The following MAN1A2 variants were observed in gnomAD, a reference collection of about 807,000 sequenced individuals.
MAN1A2 encodes mannosidase alpha class 1A member 2.
In MAN1A2, 26 loss-of-function variants were observed where a neutral mutation model predicts 75.7. That is an observed-to-expected ratio of 0.34 (90% confidence interval 0.25 to 0.48). The LOEUF is 0.48. Among genes scored for constraint, MAN1A2 ranks in the 20% least tolerant of loss-of-function variants. MAN1A2 has a pLI of 0.99. For missense variants in MAN1A2, 562 were observed against 775.5 expected, an observed-to-expected ratio of 0.72 and a Z score of 3.27; for synonymous variants, 247 against 264.6, an observed-to-expected ratio of 0.93 and a Z score of 0.65.
intron 8 of MAN1A2, among the ~76,000 whole-genome samples, chr1:117,475,077 G>C (rs1650274720): frequency 6.6e-6 from 1 of 151,912 alleles, no homozygotes; most frequent in African/African-American, 2.4e-5. Flanking sequence ...TTCTCCTGTT[G>C]ATGGACATTT....
In MAN1A2 at chr1:117,391,823, G is replaced by C. The variant is rs991035824; in HGVS notation, c.303-10363G>C. Among the ~76,000 whole-genome samples the C allele has an allele frequency of 3.3e-5, 5 of 151,990 alleles. No individual in the cohort carries two copies. In the South Asian group the frequency reaches 6.3e-4, roughly 19 times the overall value. On this transcript the variant is annotated intron_variant, in intron 1 of 12. Coordinates refer to ENST00000356554, the MANE Select transcript of MAN1A2 (RefSeq NM_006699.5). ...ATCCCAAATCACCCTTTCTTTCTTTGTTCTTGGTTCAGTTAATGGCACCCG... is the reference window on the plus strand; with the variant it reads ...ATCCCAAATCACCCTTTCTTTCTTTCTTCTTGGTTCAGTTAATGGCACCCG...
At chr1:117,397,010 C>A (rs996845387) in intron 1 of MAN1A2, among the ~76,000 whole-genome samples, 1 of 151,436 alleles carries the variant, frequency 6.6e-6, no homozygotes, top group Non-Finnish European at 1.5e-5. Context: ...ATCTTTGTCT[C>A]CTGACTTTTG....
intron 8 of MAN1A2, 36 bp downstream of exon 8, chr1:117,466,463 A>T: frequency 7.3e-7 from 1 of 1,366,628 alleles, no homozygotes; most frequent in South Asian, 1.3e-5. Flanking sequence ...TTTCTTAAAA[A>T]ATTATTTGTC....
intron 1 of MAN1A2, among the ~76,000 whole-genome samples, chr1:117,387,534 T>C (rs371705043): frequency 3.2e-4 from 48 of 152,236 alleles, no homozygotes; most frequent in Non-Finnish European, 6.6e-4. Flanking sequence ...TCCGTATCAG[T>C]AGGTTCACTA....
intron 9 of MAN1A2, among the ~76,000 whole-genome samples, chr1:117,495,645 TGTAATATG>T (rs973810954): frequency 6.6e-6 from 1 of 151,828 alleles, no homozygotes; most frequent in African/African-American, 2.4e-5. Flanking sequence ...ATCTTTTAAT[TGTAATATG>T]GTAAGATTTA....
chr1:117,497,532 C>T (rs1445174503), intron 10 of MAN1A2, among the ~76,000 whole-genome samples: 1 of 151,822 alleles, frequency 6.6e-6, no homozygotes, highest in Non-Finnish European at 1.5e-5. Context: ...CTTCAGTGTC[C>T]TTACTTGGAA....
intron 6 of MAN1A2, among the ~76,000 whole-genome samples, chr1:117,445,353 T>G (rs1649177421): frequency 6.6e-6 from 1 of 152,182 alleles, no homozygotes; most frequent in Non-Finnish European, 1.5e-5. Flanking sequence ...CTGGTCTTAT[T>G]AAATGAGATA....
chr1:117,502,823 G>C, intron 11 of MAN1A2, 32 bp from the exon 12 acceptor site: 2 of 1,133,228 alleles, frequency 1.8e-6, no homozygotes, highest in African/African-American at 1.6e-5. Context: ...AAATTCTACG[G>C]AATTGCTTAT....
chr1:117,451,818 T>A (rs1649427210), intron 6 of MAN1A2, among the ~76,000 whole-genome samples: 1 of 152,132 alleles, frequency 6.6e-6, no homozygotes, highest in South Asian at 2.1e-4. Flanking sequence ...GGTATGTCTT[T>A]ATCAGCAGTG....
chr1:117,458,535 T>C (rs1649701680), intron 6 of MAN1A2, among the ~76,000 whole-genome samples: 1 of 126,446 alleles, frequency 7.9e-6, no homozygotes, highest in South Asian at 2.3e-4. Flanking sequence ...TTTTTTTTTT[T>C]TTTTTGAGAC....
chr1:117,441,206 T>C (rs1649019715), intron 5 of MAN1A2, among the ~76,000 whole-genome samples: 1 of 152,148 alleles, frequency 6.6e-6, no homozygotes, highest in Non-Finnish European at 1.5e-5. Context: ...ACCTCTATGA[T>C]ATTTCCTTAT....
intron 6 of MAN1A2, among the ~76,000 whole-genome samples, chr1:117,455,894 T>C (rs535458968): frequency 1.8e-4 from 28 of 152,144 alleles, no homozygotes; most frequent in African/African-American, 6.5e-4. Context: ...AAAATCAGAC[T>C]TCATTTTAAA....
At chr1:117,469,050 C>G (rs1234030723) in intron 8 of MAN1A2, among the ~76,000 whole-genome samples, 6 of 152,036 alleles carry the variant, frequency 3.9e-5, no homozygotes, top group Middle Eastern at 6.8e-3. Flanking sequence ...TTAAAATGAT[C>G]AAAAGTACAA....
chr1:117,429,916 T>A (rs1648549797), intron 5 of MAN1A2, among the ~76,000 whole-genome samples: 1 of 58,126 alleles, frequency 1.7e-5, no homozygotes, highest in Non-Finnish European at 3.5e-5. Flanking sequence ...GCTCCTCACT[T>A]CCCAGTAGGG....
chr1:117,428,129 G>T (rs550878807), intron 5 of MAN1A2, among the ~76,000 whole-genome samples: 180 of 150,420 alleles, frequency 1.2e-3, no homozygotes, highest in Non-Finnish European at 2.0e-3. Flanking sequence ...TTTTTTTTGG[G>T]GGGGGACCGA....
At chr1:117,381,190 T>A (rs1653322171) in intron 1 of MAN1A2, among the ~76,000 whole-genome samples, 1 of 151,540 alleles carries the variant, frequency 6.6e-6, no homozygotes. Flanking sequence ...GCGCAACTAA[T>A]TTTTTTTTAT....
intron 12 of MAN1A2, among the ~76,000 whole-genome samples, chr1:117,507,924 A>G (rs1651422941): frequency 6.6e-6 from 1 of 151,716 alleles, no homozygotes. Flanking sequence ...AAGTCTCTTA[A>G]GCTGAAAGAA....
chr1:117,516,066 A>C (rs1651706326), intron 12 of MAN1A2: 1 of 152,136 alleles, frequency 6.6e-6, no homozygotes, highest in Non-Finnish European at 1.5e-5. Flanking sequence ...CCTTCTTTAA[A>C]ATTATCTTTT....
intron 8 of MAN1A2, among the ~76,000 whole-genome samples, chr1:117,475,735 G>T (rs918468270): frequency 4.6e-5 from 7 of 152,080 alleles, no homozygotes; most frequent in Admixed American, 2.6e-4. Context: ...TGGTGTATAT[G>T]TGCCACATTT....
Sources: allele counts gnomAD v4.1 joint callset (sites outside exome capture counted in the v4.1 genomes callset), GRCh38; gene constraint gnomAD v4.1.1; transcripts MANE v1.5; gene names NCBI Gene and HGNC (gene_info 2026-07-23, HGNC 2026-07-21).